The following ITGA11 variants were observed in gnomAD, a reference collection of about 807,000 sequenced individuals.
ITGA11 encodes the protein integrin subunit alpha 11, also known as integrin alpha-11.
A neutral mutation model predicts 141.9 loss-of-function variants in ITGA11; 97 were observed. The ratio of observed to expected loss-of-function variants is 0.68; its 90% CI spans 0.58 to 0.81. The LOEUF (loss-of-function observed/expected upper bound fraction) is 0.81. Ranked by LOEUF, ITGA11 falls within the 30% of genes least tolerant of loss-of-function variation. The pLI, the probability that ITGA11 is intolerant of heterozygous loss-of-function variation, is 0.00. For synonymous variants in ITGA11, 658 were observed against 624.6 expected (o/e 1.05, Z -0.80); for missense variants, 1,387 against 1,559.2 (o/e 0.89, Z 1.86).
At chr15:68,382,151 A>G (rs929833101) in intron 2 of ITGA11, among the ~76,000 whole-genome samples, 1 of 152,186 alleles carries the variant, frequency 6.6e-6, no homozygotes, top group Non-Finnish European at 1.5e-5. Context: ...TTCTTATTTC[A>G]AGAAGCCATA....
intron 8 of ITGA11, 100 bp downstream of exon 8, chr15:68,351,158 C>T: frequency 7.5e-7 from 1 of 1,329,364 alleles, no homozygotes; most frequent in South Asian, 1.4e-5. Context: ...GGCCTGGACA[C>T]TTGTGATACT....
In ITGA11 at chr15:68,324,191, G is replaced by A. The variant is rs558339485; in HGVS notation, c.2322+940C>T. Among the ~76,000 whole-genome samples the A allele has an allele frequency of 2.0e-5, 3 of 152,144 alleles. No individual in the cohort carries two copies. In the South Asian group the frequency reaches 6.2e-4, roughly 32 times the overall value. On this transcript the variant is annotated intron_variant, in intron 18 of 29. Transcript: ENST00000315757. The surrounding 1 kb of genome is among the most constrained non-coding windows in gnomAD (Gnocchi z 6.3). ...CAGGGGACTGTGGGAGGCCTGGGGAGAGGGGTGTGGAGGGGCTGTGGGGGA... is the reference window on the plus strand; with the variant it reads ...CAGGGGACTGTGGGAGGCCTGGGGAAAGGGGTGTGGAGGGGCTGTGGGGGA...
chr15:68,403,979 A>C (rs1316416150), intron 1 of ITGA11, among the ~76,000 whole-genome samples: 1 of 152,134 alleles, frequency 6.6e-6, no homozygotes, highest in Non-Finnish European at 1.5e-5. Flanking sequence ...CCCAGTCTGA[A>C]TGGAAGACCT....
intron 12 of ITGA11, 70 bp from the exon 13 acceptor site, chr15:68,332,548 C>A: frequency 1.3e-6 from 2 of 1,528,706 alleles, no homozygotes; most frequent in Non-Finnish European, 8.8e-7. Flanking sequence ...CCTCGCCTCG[C>A]GGGCAGAGGG....
In ITGA11 at chr15:68,364,817, T is replaced by C. The variant is rs775814921; in HGVS notation, c.266-19A>G. 3.7e-6 allele frequency: 6 copies of C among 1,610,140 alleles called. No homozygotes were observed. The South Asian group carries it at 6.6e-5, about 18-fold the overall frequency. ...ACCCTTCCTGGGGTTGGGGGAGAAG[T>C]TCAGCTTGCAGCCCCCTCCTGCCCG... On this transcript the variant is annotated intron_variant, in intron 3 of 29. Coordinates refer to ENST00000315757, the MANE Select transcript of ITGA11 (RefSeq NM_001004439.2).
chr15:68,357,407 G>A (rs1464868851), intron 6 of ITGA11, 108 bp from the exon 7 acceptor site: 4 of 1,348,092 alleles, frequency 3.0e-6, no homozygotes, highest in Non-Finnish European at 4.0e-6. Flanking sequence ...GATAATACAG[G>A]AGGGAGGAGG....
intron 1 of ITGA11, among the ~76,000 whole-genome samples, chr15:68,425,006 T>A (rs1309065024): frequency 6.6e-6 from 1 of 152,246 alleles, no homozygotes; most frequent in East Asian, 1.9e-4. Context: ...GTGGGATCTG[T>A]GGGGTGCCTT....
At chr15:68,317,148 C>T (rs1893607822) in intron 21 of ITGA11, 117 bp downstream of exon 21, 2 of 747,812 alleles carry the variant, frequency 2.7e-6, no homozygotes, top group East Asian at 2.5e-5. Flanking sequence ...CACCTCAGGC[C>T]TCCCATCCCT....
rs143271075 is a variant in ITGA11 at position 68,418,697 on chromosome 15, C to G, written c.52+13318G>C. On this transcript the variant is annotated intron_variant, in intron 1 of 29. Transcript: ENST00000315757. ...CGTGGCGGCCCTGCCCACACTGATTCTGGCTTCAGGCCATTTCAACTGGAG... is the reference window on the plus strand; with the variant it reads ...CGTGGCGGCCCTGCCCACACTGATTGTGGCTTCAGGCCATTTCAACTGGAG... Among the ~76,000 whole-genome samples the G allele has an allele frequency of 8.5e-4, 129 of 152,082 alleles. 1 individual carries two copies. The East Asian group carries it at 0.024, about 28-fold the overall frequency.
intron 11 of ITGA11, among the ~76,000 whole-genome samples, chr15:68,337,671 G>A (rs1466077636): frequency 6.6e-6 from 1 of 152,164 alleles, no homozygotes; most frequent in Non-Finnish European, 1.5e-5. Flanking sequence ...TGGCTTTGCT[G>A]GGCCAGGGGG....
chr15:68,371,817 T>C (rs1373258887), intron 2 of ITGA11, among the ~76,000 whole-genome samples: 2 of 152,028 alleles, frequency 1.3e-5, no homozygotes, highest in Non-Finnish European at 2.9e-5. Context: ...TCACGTGTCC[T>C]GGCAGTGGCT....
Position 68,307,353 on chromosome 15 carries a change from G to A in ITGA11, c.3376C>T (p.Arg1126Cys), listed in dbSNP as rs764968250. Residue 1126 changes from arginine (R) to cysteine (C), a missense_variant, in exon 28 of 30, where the codon CGC (arginine) becomes TGC (cysteine). By Grantham distance (180) the Arg-to-Cys change is radical (BLOSUM62 -3). Coordinates refer to ENST00000315757, the MANE Select transcript of ITGA11 (RefSeq NM_001004439.2). The surrounding 1 kb of genome is among the most constrained non-coding windows in gnomAD (Gnocchi z 6.1). ...CAGGGCTCCCAGGGGCTCACCTGGCGGCTGGGATCCTCCTCACGGAAGATG... is the reference window on the plus strand; with the variant it reads ...CAGGGCTCCCAGGGGCTCACCTGGCAGCTGGGATCCTCCTCACGGAAGATG... Reference protein sequence around the residue: ...PFIFREEDPSRQIVFEISKQE... With the variant: ...PFIFREEDPSCQIVFEISKQE... 54 of 1,553,656 alleles carry A rather than the reference G, an allele frequency of 3.5e-5. No homozygotes were observed. Among genetic ancestry groups the A allele is most frequent in the Middle Eastern group, 1.7e-4 (1 of 5,918 alleles).
chr15:68,407,535 C>A (rs1227619164), intron 1 of ITGA11, among the ~76,000 whole-genome samples: 1 of 152,036 alleles, frequency 6.6e-6, no homozygotes, highest in Admixed American at 6.6e-5. Flanking sequence ...CAAATACCAA[C>A]ATGATAAAAT....
At chr15:68,390,845 G>A (rs1279375066) in intron 2 of ITGA11, among the ~76,000 whole-genome samples, 1 of 152,242 alleles carries the variant, frequency 6.6e-6, no homozygotes, top group Admixed American at 6.5e-5. Context: ...GTTCTCCCAA[G>A]GTTCTTCTTC....
chr15:68,359,119 CACA>C (rs1895161740), intron 5 of ITGA11, among the ~76,000 whole-genome samples: 1 of 152,044 alleles, frequency 6.6e-6, no homozygotes, highest in South Asian at 2.1e-4. Context: ...GTAAAAGAGG[CACA>C]ACAATAGTAA....
intron 2 of ITGA11, among the ~76,000 whole-genome samples, chr15:68,400,784 TATATTATATATTATATAATAAATATTATA>T: frequency 1.3e-4 from 1 of 7,706 alleles, no homozygotes; most frequent in Admixed American, 2.4e-3. Context: ...TAATAAATAT[TATATTATATATTATATAATAAATATTATA>T]ATATTATATA....
chr15:68,358,506 G>A lies in ITGA11; in HGVS notation c.552C>T (p.Phe184=). The A allele has an allele frequency of 6.2e-7, 1 of 1,614,088 alleles. No homozygotes were observed. The highest frequency in any genetic ancestry group is 8.5e-7 in the Non-Finnish European group (1 of 1,179,996). The change falls in exon 6 of 30, where the codon TTC becomes TTT. Residue 184 remains phenylalanine (F), a synonymous_variant. Transcript: ENST00000315757. ...AAAACTTTTTCAGGATGTTGATGAGGAAGTGCTGAACCTCCACCCAGGGGT... is the reference window on the plus strand; with the variant it reads ...AAAACTTTTTCAGGATGTTGATGAGAAAGTGCTGAACCTCCACCCAGGGGT... ...SIYPWVEVQH[F]LINILKKFYI...
intron 2 of ITGA11, among the ~76,000 whole-genome samples, chr15:68,394,570 G>A (rs748550599): frequency 1.3e-5 from 2 of 151,852 alleles, no homozygotes; most frequent in South Asian, 2.1e-4. Context: ...AAAAATGGAA[G>A]AAATAATTAA....
chr15:68,356,583 C>G (rs1052777173), intron 7 of ITGA11, among the ~76,000 whole-genome samples: 1 of 152,186 alleles, frequency 6.6e-6, no homozygotes. Flanking sequence ...TTGGCTGCAA[C>G]AATATTCCCC....
Sources: allele counts gnomAD v4.1 joint callset (sites outside exome capture counted in the v4.1 genomes callset), GRCh38; gene constraint gnomAD v4.1.1; non-coding constraint Gnocchi (gnomAD v3.1); transcripts MANE v1.5; gene names NCBI Gene and HGNC (gene_info 2026-07-23, HGNC 2026-07-21).